Variants in CRTC1 observed in about 807,000 individuals in gnomAD.
CRTC1 encodes the protein CREB-regulated transcription coactivator 1.
In CRTC1, 18 loss-of-function variants were observed where a neutral mutation model predicts 66.1. That is an observed-to-expected ratio of 0.27 (90% CI 0.19 to 0.40). The LOEUF (loss-of-function observed/expected upper bound fraction) is 0.40. CRTC1 is among the 10% of genes least tolerant of loss of function. The probability of loss-of-function intolerance (pLI) is 1.00; values close to 1 mark genes in which losing one functional copy is unlikely to be tolerated. For synonymous variants in CRTC1, 416 were observed against 398.8 expected (o/e 1.04, Z -0.51); for missense variants, 669 against 887.9 (o/e 0.75, Z 3.13).
intron 1 of CRTC1, among the ~76,000 whole-genome samples, chr19:18,733,262 C>T (rs1327969995): frequency 2.0e-5 from 3 of 152,066 alleles, no homozygotes; most frequent in Admixed American, 6.5e-5. Context: ...ACAGGGTGGG[C>T]GCTTGGCCAG....
Position 18,777,741 on chromosome 19 carries a change from G to A in CRTC1, c.*359G>A, listed in dbSNP as rs933884729. ...TCCCGGCGTGGCGGGCAGGCTCAGG[G>A]GAGGGGCGCGCATGGTCCGCCAGGG... On this transcript the variant is annotated 3_prime_UTR_variant, in exon 14 of 14. Transcript: ENST00000321949. The surrounding 1 kb of genome is among the most constrained non-coding windows in gnomAD (Gnocchi z 5.5). 127 of 356,458 alleles carry A rather than the reference G, an allele frequency of 3.6e-4. 1 individual carries two copies. Among genetic ancestry groups the A allele is most frequent in the Admixed American group, 8.2e-4 (16 of 19,488 alleles). The allele number at this position is 356,458 out of a possible 1,614,324, so 22.1% of individuals were successfully genotyped here.
intron 1 of CRTC1, among the ~76,000 whole-genome samples, chr19:18,718,864 G>T (rs562511591): frequency 6.6e-6 from 1 of 152,162 alleles, no homozygotes; most frequent in Admixed American, 6.5e-5. Flanking sequence ...TTGAGGAACC[G>T]CCATACAGAT....
chr19:18,713,697 T>G (rs756212256), intron 1 of CRTC1, among the ~76,000 whole-genome samples: 4 of 152,258 alleles, frequency 2.6e-5, no homozygotes, highest in Non-Finnish European at 4.4e-5. Context: ...TGGCTGGGAT[T>G]CCTGCCCAGG....
chr19:18,694,082 A>G (rs528368893), intron 1 of CRTC1, among the ~76,000 whole-genome samples: 5 of 150,174 alleles, frequency 3.3e-5, no homozygotes, highest in Non-Finnish European at 7.4e-5. Flanking sequence ...CAGTGAGCTG[A>G]GATTGCACCA....
chr19:18,748,986 C>G (rs772101337), intron 4 of CRTC1, among the ~76,000 whole-genome samples: 1 of 152,126 alleles, frequency 6.6e-6, no homozygotes, highest in South Asian at 2.1e-4. Flanking sequence ...GAGGTCAAAA[C>G]ACTTGCTCAG....
chr19:18,713,541 G>GGCCCTGCACCCTTAGGCGTCCTCCTCGT (rs1262431597), intron 1 of CRTC1, among the ~76,000 whole-genome samples: 3 of 36,334 alleles, frequency 8.3e-5, no homozygotes, highest in African/African-American at 4.2e-4. Flanking sequence ...TGGGAGCTGA[G>GGCCCTGCACCCTTAGGCGTCCTCCTCGT]GCCCTGCACC....
At chr19:18,736,933 G>A (rs1021101189) in intron 1 of CRTC1, among the ~76,000 whole-genome samples, 5 of 152,204 alleles carry the variant, frequency 3.3e-5, no homozygotes, top group African/African-American at 1.2e-4. Context: ...GGGCTGGCAG[G>A]TGGAGGTGTC....
intron 1 of CRTC1, among the ~76,000 whole-genome samples, chr19:18,734,283 A>C (rs1568508354): frequency 6.6e-6 from 1 of 152,162 alleles, no homozygotes; most frequent in Non-Finnish European, 1.5e-5. Context: ...AATGCCTCTG[A>C]ATCATTCACT....
intron 8 of CRTC1, 22 bp from the exon 9 acceptor site, chr19:18,765,382 C>T (rs370927685): frequency 9.4e-6 from 15 of 1,601,408 alleles, no homozygotes; most frequent in Non-Finnish European, 1.2e-5. Flanking sequence ...CCTGCTCTCC[C>T]TCCCTCCTAC....
chr19:18,777,543 C>T lies in CRTC1; in HGVS notation c.*161C>T. 1 of 679,440 alleles carries T rather than the reference C, an allele frequency of 1.5e-6. No individual in the cohort carries two copies. The allele number at this position is 679,440 out of a possible 1,614,324, so 42.1% of individuals were successfully genotyped here. A position where few individuals can be genotyped will look rare whatever the true frequency, so the allele number is the denominator to read the frequency against. The stretch of plus-strand genomic sequence containing the variant: ...CCCGCCCCCGGTTGTCCACCTCCCG[C>T]GAAGCCCAATCGCGAGGCCGCGAGC... On this transcript the variant is annotated 3_prime_UTR_variant, in exon 14 of 14. Transcript: ENST00000321949. This position sits in a 1 kb window ranked among gnomAD's most constrained non-coding sequence, Gnocchi z 5.5.
intron 1 of CRTC1, among the ~76,000 whole-genome samples, chr19:18,728,871 A>T (rs183340007): frequency 7.4e-6 from 1 of 135,704 alleles, no homozygotes; most frequent in African/African-American, 2.8e-5. Context: ...GGAGTGCAGT[A>T]GCACGATCTC....
intron 1 of CRTC1, among the ~76,000 whole-genome samples, chr19:18,702,541 T>C (rs1247953096): frequency 6.6e-6 from 1 of 150,694 alleles, no homozygotes; most frequent in African/African-American, 2.4e-5. Context: ...GTCTTTTTTT[T>C]TTTTTTTTTG....
intron 4 of CRTC1, among the ~76,000 whole-genome samples, chr19:18,747,708 G>A (rs1332725403): frequency 6.6e-6 from 1 of 152,142 alleles, no homozygotes; most frequent in African/African-American, 2.4e-5. Flanking sequence ...TGTATTCAGA[G>A]CAGGTACCCA....
At chr19:18,731,730 G>A (rs1312069541) in intron 1 of CRTC1, among the ~76,000 whole-genome samples, 4 of 152,104 alleles carry the variant, frequency 2.6e-5, no homozygotes, top group Admixed American at 1.3e-4. Context: ...GAGCAGGCAC[G>A]TTGCTTATCT....
At position 18,781,067 on chromosome 19, in the gene CRTC1, C is replaced by G. The variant is rs1234865656; in HGVS notation, c.*3685C>G. The G allele has an allele frequency of 8.8e-6, 2 of 228,068 alleles. No individual in the cohort carries two copies. Among genetic ancestry groups the G allele is most frequent in the Non-Finnish European group, 1.7e-5 (2 of 114,950 alleles). The allele number at this position is 228,068 out of a possible 1,614,324, so 14.1% of individuals were successfully genotyped here. On this transcript the variant is annotated 3_prime_UTR_variant, in exon 14 of 14. Coordinates refer to ENST00000321949, the MANE Select transcript of CRTC1 (RefSeq NM_015321.3). ...GCCCTGAAAACAGCAGCTCCCATCA[C>G]CTTCACTGGGTCCCGATGGAGCCGT...
intron 5 of CRTC1, among the ~76,000 whole-genome samples, chr19:18,750,520 G>C (rs1600936982): frequency 1.3e-5 from 2 of 152,352 alleles, no homozygotes; most frequent in Non-Finnish European, 2.9e-5. Flanking sequence ...GGCATATGCT[G>C]TCTTAAAAAC....
chr19:18,714,132 C>T (rs890802944), intron 1 of CRTC1, among the ~76,000 whole-genome samples: 5 of 152,168 alleles, frequency 3.3e-5, no homozygotes, highest in African/African-American at 7.2e-5. Context: ...ACACCCAAGG[C>T]CACCCTCCAC....
chr19:18,769,126 G>C (rs1394069721), intron 10 of CRTC1, among the ~76,000 whole-genome samples: 4 of 152,218 alleles, frequency 2.6e-5, no homozygotes, highest in East Asian at 1.9e-4. Context: ...AGAAGAGTAC[G>C]GCGTTCTCAG....
At chr19:18,723,067 A>C (rs983276545) in intron 1 of CRTC1, among the ~76,000 whole-genome samples, 1 of 151,882 alleles carries the variant, frequency 6.6e-6, no homozygotes, top group Non-Finnish European at 1.5e-5. Context: ...CAGCCTCCCA[A>C]GTACCTGGGA....
Sources: gnomAD v4.1 joint callset for allele counts (sites outside exome capture counted in the v4.1 genomes callset) on GRCh38, gnomAD v4.1.1 for gene constraint, Gnocchi (gnomAD v3.1) non-coding constraint, MANE v1.5 for transcripts, NCBI Gene and HGNC (gene_info 2026-07-23, HGNC 2026-07-21) for gene names.